ARID4A: variants seen among roughly 807,000 people sequenced by gnomAD.
The protein encoded by ARID4A is AT-rich interactive domain-containing protein 4A.
ARID4A carries 39 observed loss-of-function variants against 148.6 expected under a neutral mutation model. That is an observed-to-expected ratio of 0.26 (90% confidence interval 0.20 to 0.34). ARID4A has a LOEUF of 0.34. Ranked by LOEUF, ARID4A falls within the 10% of genes least tolerant of loss-of-function variation. The probability of loss-of-function intolerance (pLI) is 1.00; values close to 1 mark genes in which losing one functional copy is unlikely to be tolerated. For missense variants in ARID4A, 1,265 were observed against 1,449.1 expected (o/e 0.87, Z 2.06); for synonymous variants, 475 against 481.2 (o/e 0.99, Z 0.17).
intron 16 of ARID4A, among the ~76,000 whole-genome samples, chr14:58,352,503 T>C (rs2034683542): frequency 6.6e-6 from 1 of 152,142 alleles, no homozygotes; most frequent in Non-Finnish European, 1.5e-5. Flanking sequence ...TTAAAAAGAC[T>C]GTAACTCTTT....
chr14:58,364,154 A>G lies in ARID4A; in HGVS notation c.2081-16A>G, dbSNP rs778715511. On this transcript the variant is annotated splice_polypyrimidine_tract_variant and intron_variant, in intron 19 of 23. Coordinates refer to ENST00000355431, the MANE Select transcript of ARID4A (RefSeq NM_002892.4). The stretch of plus-strand genomic sequence containing the variant: ...ATATAAAAACCTGTATAATATAATA[A>G]TATTTCCTCTTACAGACTCTTGTTC... The G allele has an allele frequency of 2.4e-6, 3 of 1,250,314 alleles. No homozygotes were observed. The highest frequency in any genetic ancestry group is 3.2e-6 in the Non-Finnish European group (3 of 944,518). The allele number at this position is 1,250,314 out of a possible 1,614,324, so 77.5% of individuals were successfully genotyped here.
intron 5 of ARID4A, among the ~76,000 whole-genome samples, chr14:58,317,149 C>T (rs1194979544): frequency 4.3e-5 from 6 of 141,010 alleles, no homozygotes; most frequent in East Asian, 2.2e-4. Flanking sequence ...GCTGAGATCG[C>T]GCCACTGCAC....
At chr14:58,350,880 T>C (rs1223244528) in intron 15 of ARID4A, among the ~76,000 whole-genome samples, 193 bp from the exon 16 acceptor site, 1 of 152,194 alleles carries the variant, frequency 6.6e-6, no homozygotes, top group African/African-American at 2.4e-5. Flanking sequence ...AAAGTAGACC[T>C]GGACATAATT....
intron 23 of ARID4A, among the ~76,000 whole-genome samples, chr14:58,370,653 C>T (rs997647199): frequency 8.2e-4 from 125 of 151,708 alleles, no homozygotes; most frequent in African/African-American, 2.9e-3. Context: ...GCTCTGGCAC[C>T]CAGACTGGAG....
chr14:58,334,950 TC>T (rs2033732466), intron 11 of ARID4A, among the ~76,000 whole-genome samples: 1 of 152,168 alleles, frequency 6.6e-6, no homozygotes, highest in South Asian at 2.1e-4. Flanking sequence ...CATTCCTTCT[TC>T]ATCGTCATGG....
At position 58,318,922 on chromosome 14, in the gene ARID4A, T is replaced by C. The variant is rs2032655419; in HGVS notation, c.449+117T>C. The stretch of plus-strand genomic sequence containing the variant: ...AGCTTTCCATAGCATATTGTATCCT[T>C]ATGTTAGACATTTTACCCTGAGTGG... On this transcript the variant is annotated intron_variant, in intron 7 of 23. Transcript: ENST00000355431. The C allele has an allele frequency of 1.3e-5, 10 of 768,702 alleles. No individual in the cohort carries two copies. The South Asian group carries it at 1.8e-4, about 14-fold the overall frequency. 47.6% of individuals were successfully genotyped at this position (768,702 alleles called of 1,614,324 possible).
rs187549515 is a variant in ARID4A, at chr14:58,373,237, T to C, written c.*1248T>C. 1 of 197,838 alleles carries C rather than the reference T, an allele frequency of 5.1e-6. No individual in the cohort carries two copies. The highest frequency in any genetic ancestry group is 6.0e-5 in the Admixed American group (1 of 16,538). 12.3% of individuals were successfully genotyped at this position (197,838 alleles called of 1,614,324 possible). A position where few individuals can be genotyped will look rare whatever the true frequency, so the allele number is the denominator to read the frequency against. ...CCAAAGTTGAGATGCAACAACTAAG[T>C]AAAGCAACTATGTATGCTTTGTCTG... On this transcript the variant is annotated 3_prime_UTR_variant, in exon 24 of 24. Coordinates refer to ENST00000355431, the MANE Select transcript of ARID4A (RefSeq NM_002892.4).
intron 2 of ARID4A, among the ~76,000 whole-genome samples, chr14:58,300,126 T>C (rs754430662): frequency 3.9e-5 from 6 of 152,228 alleles, no homozygotes; most frequent in Non-Finnish European, 7.3e-5. Context: ...AAACACTTCC[T>C]GTGTTGGCAG....
In ARID4A at chr14:58,329,991, T is replaced by C; in HGVS notation, c.740-12T>C. ...TTCCATAGCAACTGCTGAAGTACATTTTCACTCTTAGGGCTTCAGAAAGCA... is the reference window on the plus strand; with the variant it reads ...TTCCATAGCAACTGCTGAAGTACATCTTCACTCTTAGGGCTTCAGAAAGCA... On this transcript the variant is annotated splice_polypyrimidine_tract_variant and intron_variant, in intron 10 of 23. Coordinates refer to ENST00000355431, the MANE Select transcript of ARID4A (RefSeq NM_002892.4). The C allele has an allele frequency of 6.3e-7, 1 of 1,595,888 alleles. No homozygotes were observed. Among genetic ancestry groups the C allele is most frequent in the Non-Finnish European group, 8.5e-7 (1 of 1,174,560 alleles).
chr14:58,360,198 TTCAAAC>T (rs1454770878), intron 18 of ARID4A, among the ~76,000 whole-genome samples: 1 of 152,162 alleles, frequency 6.6e-6, no homozygotes, highest in African/African-American at 2.4e-5. Context: ...GGGCATGACT[TTCAAAC>T]TCAAATTCCT....
At chr14:58,331,365 G>T (rs966004245) in intron 11 of ARID4A, 1 of 152,234 alleles carries the variant, frequency 6.6e-6, no homozygotes, top group Non-Finnish European at 1.5e-5. Context: ...ATGTGGAAGA[G>T]AATGTAAGTA....
chr14:58,334,601 C>G (rs1007230185), intron 11 of ARID4A, among the ~76,000 whole-genome samples: 12 of 152,182 alleles, frequency 7.9e-5, no homozygotes, highest in African/African-American at 9.7e-5. Context: ...TATACCCACT[C>G]CACACAACTT....
At chr14:58,310,212 GT>G (rs771699823) in intron 5 of ARID4A, among the ~76,000 whole-genome samples, 6 of 149,498 alleles carry the variant, frequency 4.0e-5, no homozygotes, top group East Asian at 3.9e-4. Context: ...GATTCCTGGA[GT>G]TTTTTTTTGT....
intron 23 of ARID4A, 38 bp from the exon 24 acceptor site, chr14:58,371,848 C>G: frequency 6.8e-7 from 1 of 1,481,346 alleles, no homozygotes; most frequent in Non-Finnish European, 9.4e-7. Flanking sequence ...CTTTGTGTAA[C>G]AGTTTTTGGA....
At chr14:58,352,044 C>G (rs916692972) in intron 16 of ARID4A, among the ~76,000 whole-genome samples, 1 of 152,162 alleles carries the variant, frequency 6.6e-6, no homozygotes, top group African/African-American at 2.4e-5. Context: ...TAGGACACGA[C>G]TAAAAATGAA....
Position 58,347,681 on chromosome 14 carries a change from G to A in ARID4A, c.1207G>A (p.Ala403Thr). 6.2e-7 allele frequency: 1 copy of A among 1,611,792 alleles called. No homozygotes were observed. Among genetic ancestry groups the A allele is most frequent in the Non-Finnish European group, 8.5e-7 (1 of 1,179,062 alleles). ...LYGFEEYCRSANIQFRTVHHH... is the reference protein window; with the variant it reads ...LYGFEEYCRSTNIQFRTVHHH... ...TGGTTTTGAGGAGTACTGCCGTTCG[G>A]CAAATATTCAGTTCAGAACTGTTCA... The change falls in exon 15 of 24, where the codon GCA (alanine) becomes ACA (threonine). Residue 403 changes from alanine to threonine, a missense_variant. Ala to Thr is a moderately conservative substitution (Grantham distance 58). This residue lies in a region of ARID4A where 205 missense variants were observed against 196.9 expected (regional missense o/e 1.04). Coordinates refer to ENST00000355431, the MANE Select transcript of ARID4A (RefSeq NM_002892.4).
In ARID4A at chr14:58,364,565, C is replaced by T. The variant is rs2035271639; in HGVS notation, c.2476C>T (p.His826Tyr). ...EAGSEPHIEA[H>Y]SLELSSLDNK... ...AGGAAGTGAACCTCATATAGAAGCT[C>T]ATAGTCTTGAATTGTCTTCATTAGA... Residue 826 changes from histidine (H) to tyrosine (Y), a missense_variant, in exon 20 of 24, where the codon CAT (histidine) becomes TAT (tyrosine). By Grantham distance (83) the His-to-Tyr change is moderately conservative. Around this residue, in one of 9 missense-constraint regions of ARID4A, gnomAD observed 666 missense variants for 730.9 expected, o/e 0.91. Transcript: ENST00000355431. 6.2e-7 allele frequency: 1 copy of T among 1,611,332 alleles called. No homozygotes were observed. Among genetic ancestry groups the T allele is most frequent in the East Asian group, 2.2e-5 (1 of 44,842 alleles).
rs759160378 is a variant in ARID4A, at chr14:58,366,997, G to A, written c.3638G>A (p.Arg1213Lys). The A allele has an allele frequency of 4.7e-6, 7 of 1,494,268 alleles. No individual in the cohort carries two copies. The highest frequency in any genetic ancestry group is 5.1e-5 in the East Asian group (2 of 38,898). 92.6% of individuals were successfully genotyped at this position (1,494,268 alleles called of 1,614,324 possible). A position where few individuals can be genotyped will look rare whatever the true frequency, so the allele number is the denominator to read the frequency against. ...LKSEVATIDR[R>K]RKRLKKKDRE... ...TCTGAAGTTGCAACCATAGACAGGA[G>A]GAGAAAAAGATTAAAAAAGAAAGAC... The change falls in exon 23 of 24, where the codon AGG (arginine) becomes AAG (lysine). Residue 1213 changes from arginine (R) to lysine (K), a missense_variant. Physicochemically the swap from Arg to Lys is conservative, Grantham distance 26. This residue lies in a region of ARID4A where 666 missense variants were observed against 730.9 expected (regional missense o/e 0.91). Transcript: ENST00000355431.
At position 58,306,111 on chromosome 14, in the gene ARID4A, G is replaced by C; in HGVS notation, c.273G>C (p.Val91=). ...TGACAGATGCTAGTTGGTATACCGT[G>C]GGTAAGTAATTAAGTAATTTAACAC... The part of the protein sequence containing the change: ...SKLTDASWYT[V]VFDDGDERTL... The change falls in exon 5 of 24, where the codon GTG becomes GTC. Residue 91 remains valine, a splice_region_variant and synonymous_variant. Transcript: ENST00000355431. 1.2e-6 allele frequency: 2 copies of C among 1,608,726 alleles called. No individual in the cohort carries two copies. Among genetic ancestry groups the C allele is most frequent in the Non-Finnish European group, 1.7e-6 (2 of 1,175,522 alleles).
Sources: allele counts gnomAD v4.1 joint callset (sites outside exome capture counted in the v4.1 genomes callset), GRCh38; gene constraint gnomAD v4.1.1; regional missense constraint gnomAD v4.1.1; transcripts MANE v1.5; gene names NCBI Gene and HGNC (gene_info 2026-07-23, HGNC 2026-07-21).